The following TOM1L2 variants were observed in gnomAD, a reference collection of about 807,000 sequenced individuals.
TOM1L2 encodes target of myb1 like 2 membrane trafficking protein, also known as TOM1-like protein 2.
In TOM1L2, 31 loss-of-function variants were observed where a neutral mutation model predicts 67.9. That is an observed-to-expected ratio of 0.46 (90% CI 0.34 to 0.62). The LOEUF (loss-of-function observed/expected upper bound fraction) is 0.62. Among genes scored for constraint, TOM1L2 ranks in the 20% least tolerant of loss-of-function variants. TOM1L2 has a pLI of 0.01. For synonymous variants in TOM1L2, 256 were observed against 254.0 expected (o/e 1.01, Z -0.07); for missense variants, 606 against 663.5 (o/e 0.91, Z 0.95).
intron 1 of TOM1L2, among the ~76,000 whole-genome samples, chr17:17,969,067 T>C (rs2041971511): frequency 6.6e-6 from 1 of 151,626 alleles, no homozygotes. Context: ...CTTTTTTTTT[T>C]TTTTTTGGAG....
chr17:17,967,597 G>A (rs973009236), intron 1 of TOM1L2, among the ~76,000 whole-genome samples: 2 of 152,124 alleles, frequency 1.3e-5, no homozygotes, highest in African/African-American at 4.8e-5. Context: ...CCATGGCTAG[G>A]CTTTCTCTCT....
At chr17:17,895,115 C>G (rs1347133529) in intron 3 of TOM1L2, among the ~76,000 whole-genome samples, 1 of 152,118 alleles carries the variant, frequency 6.6e-6, no homozygotes, top group Non-Finnish European at 1.5e-5. Context: ...GGCCTCTTAT[C>G]CTCCCATAGG....
Position 17,869,399 on chromosome 17 carries a change from G to T in TOM1L2, c.852C>A (p.Val284=). 6.2e-7 allele frequency: 1 copy of T among 1,613,474 alleles called. No homozygotes were observed. The highest frequency in any genetic ancestry group is 1.1e-5 in the South Asian group (1 of 91,024). ...ELISRVSNEE[V]TEELLHVNDD... ...CGTTCACATGCAGCAGCTCCTCGGT[G>T]ACCTCCTCATTGGACACGCGGGAGA... The change falls in exon 8 of 15, where the codon GTC becomes GTA. Residue 284 remains valine (V), a synonymous_variant. Coordinates refer to ENST00000379504, the MANE Select transcript of TOM1L2 (RefSeq NM_001082968.2).
intron 4 of TOM1L2, 112 bp from the exon 5 acceptor site, chr17:17,884,880 T>C (rs1208690111): frequency 2.9e-6 from 4 of 1,397,736 alleles, no homozygotes; most frequent in African/African-American, 1.4e-5. Flanking sequence ...TACTTGCACA[T>C]GCAAATTGCA....
intron 12 of TOM1L2, among the ~76,000 whole-genome samples, chr17:17,851,551 G>A (rs1041711715): frequency 1.3e-5 from 2 of 152,188 alleles, no homozygotes; most frequent in Admixed American, 6.5e-5. Flanking sequence ...CCGCTGGGCT[G>A]GGTGTGGCCT....
chr17:17,868,380 C>T (rs957244719), intron 8 of TOM1L2, among the ~76,000 whole-genome samples: 17 of 152,214 alleles, frequency 1.1e-4, no homozygotes, highest in South Asian at 4.1e-4. Flanking sequence ...CAAAGGGTAA[C>T]GCAAATGCAA....
chr17:17,851,452 CA>C (rs2035975588), intron 12 of TOM1L2: 1 of 183,486 alleles, frequency 5.5e-6, no homozygotes, highest in African/African-American at 2.4e-5. Flanking sequence ...CGGGGGGATG[CA>C]GGGGGTCTGT....
rs2035651066 is a variant in TOM1L2 at position 17,846,541 on chromosome 17, G to A, written c.*1094C>T. 1 of 152,626 alleles carries A rather than the reference G, an allele frequency of 6.6e-6. No homozygotes were observed. Among genetic ancestry groups the A allele is most frequent in the Non-Finnish European group, 1.5e-5 (1 of 68,332 alleles). The allele number at this position is 152,626 out of a possible 1,614,324, so 9.5% of individuals were successfully genotyped here. A position where few individuals can be genotyped will look rare whatever the true frequency, so the allele number is the denominator to read the frequency against. On this transcript the variant is annotated 3_prime_UTR_variant, in exon 15 of 15. Transcript: ENST00000379504. ...ATAAATTGGTGGCCAGAGGACCTCTGAGGTGGGAGGAGGCCAGACTGTCAG... is the reference window on the plus strand; with the variant it reads ...ATAAATTGGTGGCCAGAGGACCTCTAAGGTGGGAGGAGGCCAGACTGTCAG...
chr17:17,956,754 CG>C (rs1293639457), intron 1 of TOM1L2, among the ~76,000 whole-genome samples: 3 of 152,210 alleles, frequency 2.0e-5, no homozygotes, highest in Non-Finnish European at 2.9e-5. Flanking sequence ...CCTCACTGCC[CG>C]GGGCCTGCGG....
intron 1 of TOM1L2, among the ~76,000 whole-genome samples, chr17:17,920,684 G>C (rs1424768135): frequency 6.6e-6 from 1 of 151,862 alleles, no homozygotes; most frequent in Non-Finnish European, 1.5e-5. Flanking sequence ...GCCCAGGCTG[G>C]AGTGCAGTGG....
chr17:17,867,350 C>A (rs573184467), intron 8 of TOM1L2, among the ~76,000 whole-genome samples: 98 of 152,004 alleles, frequency 6.4e-4, no homozygotes, highest in Admixed American at 1.9e-3. Context: ...GGGTGGGGCA[C>A]ACATAGGGTG....
At chr17:17,911,525 A>AT (rs1447450800) in intron 1 of TOM1L2, among the ~76,000 whole-genome samples, 2 of 152,206 alleles carry the variant, frequency 1.3e-5, no homozygotes, top group African/African-American at 4.8e-5. Context: ...GACAAAATAA[A>AT]TGAGACTGAA....
intron 6 of TOM1L2, among the ~76,000 whole-genome samples, chr17:17,880,691 G>T (rs772133243): frequency 1.3e-5 from 2 of 152,200 alleles, no homozygotes; most frequent in Non-Finnish European, 2.9e-5. Context: ...TCCAGAGCCG[G>T]ACCTGAGCCT....
At chr17:17,959,734 C>T (rs1052704599) in intron 1 of TOM1L2, among the ~76,000 whole-genome samples, 1 of 152,210 alleles carries the variant, frequency 6.6e-6, no homozygotes, top group Non-Finnish European at 1.5e-5. Flanking sequence ...CTCTCAAAGA[C>T]AGCCCAATTC....
chr17:17,950,097 G>C (rs897856666), intron 1 of TOM1L2, among the ~76,000 whole-genome samples: 1 of 151,814 alleles, frequency 6.6e-6, no homozygotes, highest in Non-Finnish European at 1.5e-5. Flanking sequence ...TCCTGACCTC[G>C]TGATCTGCCC....
chr17:17,935,054 C>T (rs1598367265), intron 1 of TOM1L2, among the ~76,000 whole-genome samples: 1 of 152,376 alleles, frequency 6.6e-6, no homozygotes, highest in Admixed American at 6.5e-5. Flanking sequence ...CCAAAATGCA[C>T]AAGACCCCAC....
At chr17:17,911,130 T>G (rs1169512028) in intron 1 of TOM1L2, among the ~76,000 whole-genome samples, 1 of 152,192 alleles carries the variant, frequency 6.6e-6, no homozygotes, top group African/African-American at 2.4e-5. Flanking sequence ...AGAAAAACCA[T>G]GCTCAGAGCC....
chr17:17,970,226 CT>C (rs112968102), intron 1 of TOM1L2, among the ~76,000 whole-genome samples: 74 of 144,576 alleles, frequency 5.1e-4, no homozygotes, highest in Non-Finnish European at 5.4e-4. Context: ...GGCTAATTTT[CT>C]TTTTTTTTTT....
rs181125450 is a variant in TOM1L2, at chr17:17,924,086, G to A, written c.53-16555C>T. Reference sequence around the variant, plus strand: ...CCAGGAGCAGAGGTTGCAGTGAGCCGAGATCGCGCCACTGCACTCCAGAAT... The same window carrying A: ...CCAGGAGCAGAGGTTGCAGTGAGCCAAGATCGCGCCACTGCACTCCAGAAT... On this transcript the variant is annotated intron_variant, in intron 1 of 14. Coordinates refer to ENST00000379504, the MANE Select transcript of TOM1L2 (RefSeq NM_001082968.2). Among the ~76,000 whole-genome samples the A allele has an allele frequency of 4.7e-3, 720 of 152,204 alleles. 6 individuals carry two copies. Among genetic ancestry groups the A allele is most frequent in the African/African-American group, 0.017 (689 of 41,518 alleles).
Sources: allele counts gnomAD v4.1 joint callset (sites outside exome capture counted in the v4.1 genomes callset), GRCh38; gene constraint gnomAD v4.1.1; transcripts MANE v1.5; gene names NCBI Gene and HGNC (gene_info 2026-07-23, HGNC 2026-07-21).